Variants in HS3ST1 observed in about 807,000 individuals in gnomAD.
HS3ST1 encodes heparan sulfate-glucosamine 3-sulfotransferase 1.
A neutral mutation model predicts 20.7 loss-of-function variants in HS3ST1; 8 were observed. The ratio of observed to expected loss-of-function variants is 0.39; its 90% confidence interval spans 0.23 to 0.70. The LOEUF (loss-of-function observed/expected upper bound fraction) is 0.70, where lower values mean the gene tolerates loss of function less well. Among genes scored for constraint, HS3ST1 ranks in the 30% least tolerant of loss-of-function variants. The probability of loss-of-function intolerance (pLI) is 0.46; values close to 1 mark genes in which losing one functional copy is unlikely to be tolerated. For missense variants in HS3ST1, 436 were observed against 423.4 expected (o/e 1.03, Z -0.26); for synonymous variants, 205 against 190.4 (o/e 1.08, Z -0.63).
At chr4:11,426,929 C>T (rs1378569350) in intron 1 of HS3ST1, among the ~76,000 whole-genome samples, 1 of 152,210 alleles carries the variant, frequency 6.6e-6, no homozygotes, top group Non-Finnish European at 1.5e-5. Flanking sequence ...CAGGGATTTG[C>T]AGCGGAGCGC....
At chr4:11,431,269 C>A (rs527873834), upstream of HS3ST1, among the ~76,000 whole-genome samples, 2 of 151,410 alleles carry the variant, frequency 1.3e-5, no homozygotes, top group Admixed American at 6.6e-5. Flanking sequence ...ATGGAACTTC[C>A]CTCAAGGAGT....
intron 1 of HS3ST1, among the ~76,000 whole-genome samples, chr4:11,400,332 C>T (rs1718289841): frequency 6.6e-6 from 1 of 152,264 alleles, no homozygotes; most frequent in East Asian, 1.9e-4. Context: ...CCAACTCCAA[C>T]CGTGCTATTA....
upstream of HS3ST1, among the ~76,000 whole-genome samples, chr4:11,431,158 A>G (rs1345340895): frequency 6.6e-6 from 1 of 151,778 alleles, no homozygotes; most frequent in Admixed American, 6.6e-5. Context: ...TCGTGATTTA[A>G]TGATGAATCC....
chr4:11,433,067 C>T (rs1719235552), upstream of HS3ST1, among the ~76,000 whole-genome samples: 1 of 152,186 alleles, frequency 6.6e-6, no homozygotes, highest in Non-Finnish European at 1.5e-5. Context: ...TTTATGAATC[C>T]TGCTCCCTGC....
upstream of HS3ST1, among the ~76,000 whole-genome samples, chr4:11,430,422 A>G (rs1393423974): frequency 6.6e-6 from 1 of 152,208 alleles, no homozygotes; most frequent in South Asian, 2.1e-4. Context: ...GTGTAAAATC[A>G]TGTGTGAGGT....
rs1157975411 is a variant in HS3ST1 at position 11,393,173 on chromosome 4, C to G, written c.*5909G>C. 1 of 152,176 alleles carries G rather than the reference C, an allele frequency of 6.6e-6. No individual in the cohort carries two copies. Among genetic ancestry groups the G allele is most frequent in the Non-Finnish European group, 1.5e-5 (1 of 68,022 alleles). 9.4% of individuals were successfully genotyped at this position (152,176 alleles called of 1,614,324 possible). ...TATTAGTTCTAAGTGGAATATTTAT[C>G]AAACAATAGAAATACAAGATGTTGC... On this transcript the variant is annotated 3_prime_UTR_variant, in exon 2 of 2. Transcript: ENST00000002596.
At chr4:11,413,451 A>G (rs1718688757) in intron 1 of HS3ST1, among the ~76,000 whole-genome samples, 1 of 152,126 alleles carries the variant, frequency 6.6e-6, no homozygotes. Flanking sequence ...TGTGCCACAT[A>G]TGACACTCAG....
rs562092186 is a variant in HS3ST1, at chr4:11,396,090, C to T, written c.*2992G>A. On this transcript the variant is annotated 3_prime_UTR_variant, in exon 2 of 2. Coordinates refer to ENST00000002596, the MANE Select transcript of HS3ST1 (RefSeq NM_005114.4). ...ATAATGGTGACCTGTGACACCACCC[C>T]TGTAAGCAGCAGGCACGCTAGGCAT... The T allele has an allele frequency of 1.3e-5, 2 of 152,240 alleles. No homozygotes were observed. Among genetic ancestry groups the T allele is most frequent in the African/African-American group, 2.4e-5 (1 of 41,462 alleles). The allele number at this position is 152,240 out of a possible 1,614,324, so 9.4% of individuals were successfully genotyped here.
rs1577432115 is a variant in HS3ST1, at chr4:11,394,463, G to C, written c.*4619C>G. On this transcript the variant is annotated 3_prime_UTR_variant, in exon 2 of 2. Coordinates refer to ENST00000002596, the MANE Select transcript of HS3ST1 (RefSeq NM_005114.4). ...CTTCTCTCACTGTGTGCTGTTTGGAGAACTCTGTTATGTTGCTCTGGCCTT... is the reference window on the plus strand; with the variant it reads ...CTTCTCTCACTGTGTGCTGTTTGGACAACTCTGTTATGTTGCTCTGGCCTT... The C allele has an allele frequency of 6.6e-6, 1 of 152,274 alleles. No individual in the cohort carries two copies. The highest frequency in any genetic ancestry group is 2.4e-5 in the African/African-American group (1 of 41,454). The allele number at this position is 152,274 out of a possible 1,614,324, so 9.4% of individuals were successfully genotyped here. A position where few individuals can be genotyped will look rare whatever the true frequency, so the allele number is the denominator to read the frequency against.
intron 1 of HS3ST1, among the ~76,000 whole-genome samples, chr4:11,406,960 A>G (rs1027177118): frequency 6.6e-6 from 1 of 152,078 alleles, no homozygotes. Context: ...TTGCATAGCT[A>G]TGGAAGAGCA....
At chr4:11,426,363 G>GCT (rs1719058490) in intron 1 of HS3ST1, among the ~76,000 whole-genome samples, 1 of 146,010 alleles carries the variant, frequency 6.8e-6, no homozygotes, top group Admixed American at 6.8e-5. Context: ...CCCTTCAGAG[G>GCT]CCCCCCCCCC....
intron 1 of HS3ST1, among the ~76,000 whole-genome samples, chr4:11,427,671 AGCGC>A (rs1320462521): frequency 1.3e-5 from 2 of 152,216 alleles, no homozygotes; most frequent in Non-Finnish European, 2.9e-5. Context: ...GGCCCAAGAG[AGCGC>A]CCTGAGTGTG....
chr4:11,393,720 C>T lies in HS3ST1; in HGVS notation c.*5362G>A, dbSNP rs1002024828. 3.3e-5 allele frequency: 5 copies of T among 152,260 alleles called. No homozygotes were observed. The highest frequency in any genetic ancestry group is 2.0e-4 in the Admixed American group (3 of 15,282). The allele number at this position is 152,260 out of a possible 1,614,324, so 9.4% of individuals were successfully genotyped here. A position where few individuals can be genotyped will look rare whatever the true frequency, so the allele number is the denominator to read the frequency against. On this transcript the variant is annotated 3_prime_UTR_variant, in exon 2 of 2. Coordinates refer to ENST00000002596, the MANE Select transcript of HS3ST1 (RefSeq NM_005114.4). ...AGCATGAGTTGCACCAGAGGTTGTCCTGCCTGGAGGCAATGAGGGTGGACT... is the reference window on the plus strand; with the variant it reads ...AGCATGAGTTGCACCAGAGGTTGTCTTGCCTGGAGGCAATGAGGGTGGACT...
chr4:11,407,049 C>G (rs1718485611), intron 1 of HS3ST1, among the ~76,000 whole-genome samples: 1 of 152,188 alleles, frequency 6.6e-6, no homozygotes, highest in Non-Finnish European at 1.5e-5. Flanking sequence ...TAGTTTGTGC[C>G]TGTCAGCCTA....
At position 11,422,186 on chromosome 4, in the gene HS3ST1, A is replaced by G. The variant is rs557721907; in HGVS notation, c.-109+6513T>C. On this transcript the variant is annotated intron_variant, in intron 1 of 1. Transcript: ENST00000002596. Reference sequence around the variant, plus strand: ...TCAACAAAGGTTTGAGGGCTATGCAATTTTGACTACGTCTTATCATTCTTC... The same window carrying G: ...TCAACAAAGGTTTGAGGGCTATGCAGTTTTGACTACGTCTTATCATTCTTC... Among the ~76,000 whole-genome samples the G allele has an allele frequency of 7.2e-5, 11 of 152,324 alleles. No individual in the cohort carries two copies. In the South Asian group the frequency reaches 8.3e-4, roughly 11 times the overall value.
At chr4:11,420,376 C>T (rs1473620181) in intron 1 of HS3ST1, among the ~76,000 whole-genome samples, 1 of 152,198 alleles carries the variant, frequency 6.6e-6, no homozygotes, top group Non-Finnish European at 1.5e-5. Context: ...AATCTGTGTT[C>T]ATCTATTTGG....
intron 1 of HS3ST1, among the ~76,000 whole-genome samples, chr4:11,414,648 C>T (rs938091535): frequency 6.6e-5 from 10 of 152,178 alleles, no homozygotes; most frequent in Admixed American, 3.3e-4. Context: ...CCAACAGATT[C>T]GTTAGTGTCC....
chr4:11,428,008 C>A (rs986271634), intron 1 of HS3ST1, among the ~76,000 whole-genome samples: 1 of 152,190 alleles, frequency 6.6e-6, no homozygotes, highest in African/African-American at 2.4e-5. Context: ...GTTCGCACCC[C>A]GCCATCCCTC....
At chr4:11,431,990 T>C (rs924023062), upstream of HS3ST1, among the ~76,000 whole-genome samples, 2 of 152,184 alleles carry the variant, frequency 1.3e-5, no homozygotes, top group Admixed American at 1.3e-4. Flanking sequence ...GACTTCCCTA[T>C]TTTATAATTG....
Sources: gnomAD v4.1 joint callset for allele counts (sites outside exome capture counted in the v4.1 genomes callset) on GRCh38, gnomAD v4.1.1 for gene constraint, MANE v1.5 for transcripts, NCBI Gene and HGNC (gene_info 2026-07-23, HGNC 2026-07-21) for gene names.